GSE1: variants seen among roughly 807,000 people sequenced by gnomAD.
GSE1 encodes the protein genetic suppressor element 1.
A neutral mutation model predicts 112.6 loss-of-function variants in GSE1; 32 were observed. The ratio of observed to expected loss-of-function variants is 0.28; its 90% CI spans 0.21 to 0.38. GSE1 has a LOEUF of 0.38. Among genes scored for constraint, GSE1 ranks in the 10% least tolerant of loss-of-function variants. GSE1 has a pLI of 1.00. For synonymous variants in GSE1, 1,115 were observed against 735.6 expected, an observed-to-expected ratio of 1.52 and a Z score of -8.35; for missense variants, 2,348 against 1,699.2, an observed-to-expected ratio of 1.38 and a Z score of -6.71.
chr16:85,565,807 G>A (rs936055729), intron 1 of GSE1, among the ~76,000 whole-genome samples: 1 of 152,228 alleles, frequency 6.6e-6, no homozygotes, highest in Non-Finnish European at 1.5e-5. Context: ...AGAAGAAGCA[G>A]GAGGGACCCT....
chr16:85,550,384 G>C (rs1347994331), intron 2 of GSE1, among the ~76,000 whole-genome samples: 1 of 152,140 alleles, frequency 6.6e-6, no homozygotes, highest in Non-Finnish European at 1.5e-5. Flanking sequence ...GATCCAATGC[G>C]CTATCCAGGA....
At chr16:85,558,201 C>T (rs2045330582) in intron 1 of GSE1, among the ~76,000 whole-genome samples, 1 of 152,186 alleles carries the variant, frequency 6.6e-6, no homozygotes, top group African/African-American at 2.4e-5. Context: ...TTCATCAGAG[C>T]CCTTTAGCCC....
At chr16:85,392,587 A>AG (rs1398327736) in intron 2 of GSE1, among the ~76,000 whole-genome samples, 2 of 152,230 alleles carry the variant, frequency 1.3e-5, no homozygotes, top group Non-Finnish European at 2.9e-5. Context: ...TGTATAATAA[A>AG]GCTGTTATAT....
At chr16:85,527,831 G>C (rs2052412892) in intron 2 of GSE1, among the ~76,000 whole-genome samples, 1 of 152,256 alleles carries the variant, frequency 6.6e-6, no homozygotes, top group South Asian at 2.1e-4. Flanking sequence ...GGGATTAACT[G>C]GTGGAATGGG....
chr16:85,290,937 C>G (rs978546042), intron 1 of GSE1, among the ~76,000 whole-genome samples: 7 of 152,198 alleles, frequency 4.6e-5, no homozygotes, highest in African/African-American at 1.7e-4. Context: ...GCCGGGTCCC[C>G]AAGCAGGGAG....
rs534406458 is a variant in GSE1, at chr16:85,206,352, C to T, written c.2283+34545C>T. On this transcript the variant is annotated intron_variant, in intron 1 of 2. Transcript: ENST00000637419. ...TGGAAGGGTCTCAGCTGGGGATGGC[C>T]GGGCCACATCTGCCCTTTGAGAAGC... Among the ~76,000 whole-genome samples, 14 of 152,280 alleles carry T rather than the reference C, an allele frequency of 9.2e-5. No individual in the cohort carries two copies. In the East Asian group the frequency reaches 1.9e-3, roughly 21 times the overall value.
At chr16:85,228,663 G>A (rs1216126252) in intron 1 of GSE1, among the ~76,000 whole-genome samples, 2 of 152,198 alleles carry the variant, frequency 1.3e-5, no homozygotes, top group South Asian at 2.1e-4. Flanking sequence ...CAGGCCCCAC[G>A]AGAATGGCAT....
chr16:85,183,169 A>C (rs1291592780), intron 1 of GSE1, among the ~76,000 whole-genome samples: 1 of 152,096 alleles, frequency 6.6e-6, no homozygotes, highest in African/African-American at 2.4e-5. Flanking sequence ...AGTCATTTGC[A>C]TGTACACACA....
intron 2 of GSE1, among the ~76,000 whole-genome samples, chr16:85,519,633 A>ACCATCACCG (rs1567556050): frequency 3.4e-5 from 4 of 117,158 alleles, no homozygotes; most frequent in African/African-American, 1.4e-4. Context: ...CACCATCACC[A>ACCATCACCG]GTCTCCATCA....
intron 1 of GSE1, among the ~76,000 whole-genome samples, chr16:85,217,785 C>T (rs1404770308): frequency 6.6e-6 from 1 of 152,166 alleles, no homozygotes; most frequent in East Asian, 1.9e-4. Context: ...GCATCCTCCC[C>T]GAATCCTCTT....
chr16:85,519,381 A>AG (rs2052070774), intron 2 of GSE1, among the ~76,000 whole-genome samples: 3 of 98,300 alleles, frequency 3.1e-5, no homozygotes, highest in African/African-American at 1.2e-4. Context: ...CTCCATCATC[A>AG]TCACCTTCAC....
In GSE1 at chr16:85,353,436, C is replaced by T. The variant is rs1055177607; in HGVS notation, c.2284-4027C>T. On this transcript the variant is annotated intron_variant, in intron 1 of 2. Coordinates refer to the GSE1 transcript ENST00000637419. Reference sequence around the variant, plus strand: ...GTTTGATGGACTGCCAGCTGTTTTGCGAAGCAACTGCATCATTTTACGTTC... The same window carrying T: ...GTTTGATGGACTGCCAGCTGTTTTGTGAAGCAACTGCATCATTTTACGTTC... Among the ~76,000 whole-genome samples the T allele has an allele frequency of 6.7e-5, 8 of 119,108 alleles. No homozygotes were observed. The East Asian group carries it at 6.7e-4, about 10-fold the overall frequency. 78.1% of individuals were successfully genotyped at this position (119,108 alleles called of 152,430 possible). A position where few individuals can be genotyped will look rare whatever the true frequency, so the allele number is the denominator to read the frequency against.
intron 1 of GSE1, among the ~76,000 whole-genome samples, chr16:85,266,726 T>C (rs1435928349): frequency 6.6e-6 from 1 of 151,650 alleles, no homozygotes; most frequent in Non-Finnish European, 1.5e-5. Flanking sequence ...GGGGTGGCTG[T>C]TTGCTGGGGG....
At chr16:85,417,839 T>A (rs952105683) in intron 2 of GSE1, among the ~76,000 whole-genome samples, 1 of 152,190 alleles carries the variant, frequency 6.6e-6, no homozygotes, top group African/African-American at 2.4e-5. Flanking sequence ...AGGCTGCATT[T>A]CTTTTTTCTT....
intron 2 of GSE1, among the ~76,000 whole-genome samples, chr16:85,646,734 G>C (rs2050898760): frequency 6.6e-6 from 1 of 152,166 alleles, no homozygotes. Context: ...GGGGGTGTGA[G>C]TGTGCAGCCG....
chr16:85,617,815 C>G (rs1232759138), intron 1 of GSE1, among the ~76,000 whole-genome samples: 2 of 152,104 alleles, frequency 1.3e-5, no homozygotes, highest in African/African-American at 2.4e-5. Flanking sequence ...GACCTGGGGT[C>G]TCTCTTCCCA....
chr16:85,349,314 C>T (rs954855979), intron 1 of GSE1, among the ~76,000 whole-genome samples: 2 of 152,156 alleles, frequency 1.3e-5, no homozygotes, highest in African/African-American at 4.8e-5. Flanking sequence ...GCGTAAAATA[C>T]TGTTTTTGGC....
chr16:85,312,727 G>T (rs765331620), intron 1 of GSE1, among the ~76,000 whole-genome samples: 4 of 151,990 alleles, frequency 2.6e-5, no homozygotes, highest in Non-Finnish European at 5.9e-5. Flanking sequence ...AGAAGGAGGA[G>T]AGGAGGAGGC....
intron 2 of GSE1, among the ~76,000 whole-genome samples, chr16:85,636,454 G>T (rs964654789): frequency 1.3e-5 from 2 of 152,194 alleles, no homozygotes; most frequent in African/African-American, 4.8e-5. Context: ...GGTCTGGATG[G>T]GGAGGGACTG....
Sources: allele counts gnomAD v4.1 joint callset (sites outside exome capture counted in the v4.1 genomes callset), GRCh38; gene constraint gnomAD v4.1.1; transcripts MANE v1.5; gene names NCBI Gene and HGNC (gene_info 2026-07-23, HGNC 2026-07-21).